The following RNF32 variants were observed in gnomAD, a reference collection of about 807,000 sequenced individuals.
RNF32 encodes the protein ring finger protein 32.
A neutral mutation model predicts 41.0 loss-of-function variants in RNF32; 36 were observed. That is an observed-to-expected ratio of 0.88 (90% CI 0.67 to 1.16). The LOEUF is 1.16. RNF32 is among the 50% of genes most tolerant of loss of function. The pLI is 0.00. For missense variants in RNF32, 413 were observed against 436.7 expected (o/e 0.95, Z 0.48); for synonymous variants, 154 against 160.9 (o/e 0.96, Z 0.32).
chr7:156,658,219 G>A lies in RNF32; in HGVS notation c.542G>A (p.Gly181Glu). The change falls in exon 6 of 9, where the codon GGG becomes GAG. Residue 181 changes from glycine (G) to glutamate (E), a missense_variant. Gly to Glu is a moderately conservative substitution (Grantham distance 98). Coordinates refer to ENST00000317955, the MANE Select transcript of RNF32 (RefSeq NM_030936.4). Reference sequence around the variant, plus strand: ...TATCAAACCCGAGTGATACACGATGGGGCCCGCCTGTTCAGAATCAAGTGT... The same window carrying A: ...TATCAAACCCGAGTGATACACGATGAGGCCCGCCTGTTCAGAATCAAGTGT... Reference protein sequence around the residue: ...NQYQTRVIHDGARLFRIKCVT... With the variant: ...NQYQTRVIHDEARLFRIKCVT... The A allele has an allele frequency of 6.2e-7, 1 of 1,614,176 alleles. No homozygotes were observed. Among genetic ancestry groups the A allele is most frequent in the East Asian group, 2.2e-5 (1 of 44,886 alleles).
intron 1 of RNF32, among the ~76,000 whole-genome samples, chr7:156,643,513 T>A (rs1426705559): frequency 1.3e-5 from 2 of 152,216 alleles, no homozygotes; most frequent in Non-Finnish European, 2.9e-5. Context: ...GTAGTACTTA[T>A]GTATCATGTT....
At chr7:156,648,140 T>C (rs1798228663) in intron 3 of RNF32, among the ~76,000 whole-genome samples, 1 of 152,200 alleles carries the variant, frequency 6.6e-6, no homozygotes, top group Non-Finnish European at 1.5e-5. Flanking sequence ...TCTGAAATTA[T>C]TTTAAACCGA....
Position 156,640,783 on chromosome 7 carries a change from T to C in RNF32, c.-106T>C, listed in dbSNP as rs1481462385. ...CTGAGGGAAAAGGGGCAGACGTCCC[T>C]GGGTTCCGGTGTTCGCGGAGGAGTC... is the stretch of plus-strand genomic sequence containing the variant. On this transcript the variant is annotated 5_prime_UTR_variant, in exon 1 of 9. Transcript: ENST00000317955. The C allele has an allele frequency of 1.4e-4, 33 of 243,108 alleles. No individual in the cohort carries two copies. Among genetic ancestry groups the C allele is most frequent in the Non-Finnish European group, 2.0e-4 (24 of 121,750 alleles). 15.1% of individuals were successfully genotyped at this position (243,108 alleles called of 1,614,324 possible).
At position 156,654,697 on chromosome 7, in the gene RNF32, A is replaced by G; in HGVS notation, c.396A>G (p.Glu132=). The G allele has an allele frequency of 6.2e-7, 1 of 1,614,142 alleles. No homozygotes were observed. Among genetic ancestry groups the G allele is most frequent in the Non-Finnish European group, 8.5e-7 (1 of 1,179,970 alleles). The change falls in exon 4 of 9, where the codon GAA becomes GAG. Residue 132 remains glutamate (E), a synonymous_variant. Transcript: ENST00000317955. ...DSVQPCPICK[E]EFELRPQVLL... The stretch of plus-strand genomic sequence containing the variant: ...TGCAACCATGCCCCATCTGTAAAGA[A>G]GAATTCGAGCTTCGTCCTCAGGTGT...
At chr7:156,665,344 A>AC (rs1801204139) in intron 7 of RNF32, among the ~76,000 whole-genome samples, 2 of 152,048 alleles carry the variant, frequency 1.3e-5, no homozygotes, top group Non-Finnish European at 2.9e-5. Flanking sequence ...TCACCTCATC[A>AC]CCCCTTCCAT....
chr7:156,659,074 T>A (rs1320519681), intron 7 of RNF32: 7 of 1,369,050 alleles, frequency 5.1e-6, no homozygotes, highest in Non-Finnish European at 6.5e-6. Flanking sequence ...CCACTATTTA[T>A]GCTTTAGTTT....
At chr7:156,672,698 C>G (rs137982244) in intron 7 of RNF32, among the ~76,000 whole-genome samples, 42 of 152,316 alleles carry the variant, frequency 2.8e-4, no homozygotes, top group African/African-American at 9.6e-4. Flanking sequence ...ACAGGTGACA[C>G]TGTAACATAA....
intron 3 of RNF32, among the ~76,000 whole-genome samples, chr7:156,649,425 C>T (rs1446253995): frequency 5.3e-5 from 8 of 151,882 alleles, no homozygotes; most frequent in African/African-American, 1.9e-4. Flanking sequence ...TTTAATCTGG[C>T]CAGGATCTCC....
intron 7 of RNF32, among the ~76,000 whole-genome samples, chr7:156,665,399 G>A (rs1801210075): frequency 6.6e-6 from 1 of 152,120 alleles, no homozygotes; most frequent in African/African-American, 2.4e-5. Flanking sequence ...TTAGAAACTG[G>A]AAATCTTACA....
At chr7:156,662,817 A>G (rs1800831523) in intron 7 of RNF32, among the ~76,000 whole-genome samples, 1 of 152,070 alleles carries the variant, frequency 6.6e-6, no homozygotes, top group Admixed American at 6.6e-5. Flanking sequence ...TTTTTACTGA[A>G]AAGATATTAA....
At chr7:156,661,801 T>G (rs1800711067) in intron 7 of RNF32, among the ~76,000 whole-genome samples, 2 of 152,360 alleles carry the variant, frequency 1.3e-5, no homozygotes, top group South Asian at 4.1e-4. Context: ...TGATGGGTTG[T>G]AGATATCAGC....
intron 7 of RNF32, among the ~76,000 whole-genome samples, chr7:156,667,835 A>C (rs1801586279): frequency 6.6e-6 from 1 of 152,206 alleles, no homozygotes; most frequent in Non-Finnish European, 1.5e-5. Context: ...CACTGTTTAA[A>C]TTTGTCATAA....
chr7:156,660,128 C>T (rs1272134700), intron 7 of RNF32: 1 of 985,696 alleles, frequency 1.0e-6, no homozygotes, highest in African/African-American at 1.7e-5. Flanking sequence ...TCGGAACGCC[C>T]CGCTCTGATC....
Position 156,654,653 on chromosome 7 carries a change from C to G in RNF32, c.352C>G (p.Leu118Val), listed in dbSNP as rs771285285. 6.2e-7 allele frequency: 1 copy of G among 1,614,158 alleles called. No homozygotes were observed. The highest frequency in any genetic ancestry group is 1.1e-5 in the South Asian group (1 of 91,084). The part of the protein sequence containing the change: ...DEWEKVKQRS[L>V]LQGDSVQPCP... ...ATGGGAGAAGGTGAAACAGCGCTCT[C>G]TCCTGCAAGGGGACTCCGTGCAACC... is the stretch of plus-strand genomic sequence containing the variant. The change falls in exon 4 of 9, where the codon CTC (leucine) becomes GTC (valine). Residue 118 changes from leucine (L) to valine (V), a missense_variant. Physicochemically the swap from Leu to Val is conservative, Grantham distance 32. Coordinates refer to ENST00000317955, the MANE Select transcript of RNF32 (RefSeq NM_030936.4).
At chr7:156,652,913 A>C (rs1340504311) in intron 3 of RNF32, among the ~76,000 whole-genome samples, 1 of 141,964 alleles carries the variant, frequency 7.0e-6, no homozygotes, top group Non-Finnish European at 1.5e-5. Context: ...ATACTGTTTT[A>C]AGCTAAATGT....
intron 7 of RNF32, among the ~76,000 whole-genome samples, chr7:156,664,164 A>G (rs56756708): frequency 0.52 from 78,995 of 152,172 alleles, 22,899 homozygotes; most frequent in African/African-American, 0.77. Context: ...TGAAGGCTAT[A>G]GAAAAACATT....
chr7:156,671,864 T>C (rs1459755671), intron 7 of RNF32, among the ~76,000 whole-genome samples: 1 of 152,050 alleles, frequency 6.6e-6, no homozygotes. Flanking sequence ...AATAGAACTA[T>C]CTCACGTTTG....
At chr7:156,640,315 A>C (rs997909912), upstream of RNF32, 4 of 450,926 alleles carry the variant, frequency 8.9e-6, no homozygotes, top group Non-Finnish European at 1.8e-5. Context: ...GCAGGGAAAC[A>C]ACCGGGGCCC....
At chr7:156,672,939 GGAGGGCTGTAAA>G (rs1209939106) in intron 7 of RNF32, among the ~76,000 whole-genome samples, 1 of 152,204 alleles carries the variant, frequency 6.6e-6, no homozygotes, top group Non-Finnish European at 1.5e-5. Context: ...AGAATCACCT[GGAGGGCTGTAAA>G]GCATATCGCA....
Sources: gnomAD v4.1 joint callset for allele counts (sites outside exome capture counted in the v4.1 genomes callset) on GRCh38, gnomAD v4.1.1 for gene constraint, MANE v1.5 for transcripts, NCBI Gene and HGNC (gene_info 2026-07-23, HGNC 2026-07-21) for gene names.